GABRB3: variants seen among roughly 807,000 people sequenced by gnomAD.
GABRB3 encodes the protein gamma-aminobutyric acid type A receptor subunit beta3.
Under a neutral mutation model 52.1 loss-of-function variants are expected in GABRB3, and 14 were observed. That is an observed-to-expected ratio of 0.27 (90% CI 0.18 to 0.42). The LOEUF (loss-of-function observed/expected upper bound fraction) is 0.42. Among genes scored for constraint, GABRB3 ranks in the 10% least tolerant of loss-of-function variants. GABRB3 has a pLI of 1.00. For missense variants in GABRB3, 307 were observed against 609.1 expected, an observed-to-expected ratio of 0.50 and a Z score of 5.22; for synonymous variants, 260 against 232.3, an observed-to-expected ratio of 1.12 and a Z score of -1.08.
rs1889328706 is a variant in GABRB3, at chr15:26,548,123, A to G, written c.1092T>C (p.His364=). The change falls in exon 9 of 9, where the codon CAT becomes CAC. Residue 364 remains histidine (H), a synonymous_variant. Coordinates refer to ENST00000311550, the MANE Select transcript of GABRB3 (RefSeq NM_000814.6). ...SKSESNRVDA[H]GNILLTSLEV... is the part of the protein sequence containing the mutation. ...CCAGCGATGTCAACAGAATATTTCC[A>G]TGAGCATCCACCTAATTGGACGGAA... 1.9e-6 allele frequency: 3 copies of G among 1,613,974 alleles called. No individual in the cohort carries two copies. In the South Asian group the frequency reaches 3.3e-5, roughly 18 times the overall value.
rs979877624 is a variant in GABRB3, at chr15:26,626,481, T to C, written c.241-4947A>G. On this transcript the variant is annotated intron_variant, in intron 3 of 8. Transcript: ENST00000311550. ...GGTCAAATGATTGATGTGCAAAAGATTTTTATAGGCCCAAAGTTAGGCCTT... is the reference window on the plus strand; with the variant it reads ...GGTCAAATGATTGATGTGCAAAAGACTTTTATAGGCCCAAAGTTAGGCCTT... 2.6e-5 allele frequency among the ~76,000 whole-genome samples: 4 copies of C among 152,276 alleles called. No individual in the cohort carries two copies. The East Asian group carries it at 7.7e-4, about 29-fold the overall frequency.
chr15:26,763,912 G>A (rs923054579), intron 3 of GABRB3, among the ~76,000 whole-genome samples: 47 of 151,740 alleles, frequency 3.1e-4, no homozygotes, highest in African/African-American at 8.9e-4. Flanking sequence ...TTGGGAGGCC[G>A]AGGCGGGTGG....
intron 3 of GABRB3, among the ~76,000 whole-genome samples, chr15:26,622,181 G>A (rs145045406): frequency 9.5e-4 from 145 of 152,198 alleles, no homozygotes; most frequent in Admixed American, 1.8e-3. Flanking sequence ...GGAACCTAAG[G>A]TCCAAGCAGG....
intron 3 of GABRB3, chr15:26,625,483 T>A: frequency 3.0e-6 from 3 of 985,332 alleles, no homozygotes; most frequent in Non-Finnish European, 3.6e-6. Context: ...CACAAAGAGA[T>A]GGAATTTGCA....
At chr15:26,748,435 C>T (rs993000493) in intron 3 of GABRB3, among the ~76,000 whole-genome samples, 5 of 152,068 alleles carry the variant, frequency 3.3e-5, no homozygotes, top group Admixed American at 3.3e-4. Flanking sequence ...ATCTTGGGTA[C>T]ATTTTAGTAA....
intron 3 of GABRB3, among the ~76,000 whole-genome samples, chr15:26,764,148 T>A (rs1890899872): frequency 5.0e-5 from 1 of 20,178 alleles, no homozygotes; most frequent in Non-Finnish European, 8.3e-5. Context: ...AGACTCGGTC[T>A]CAAAAAAAAA....
At chr15:26,747,484 C>A (rs920680063) in intron 3 of GABRB3, among the ~76,000 whole-genome samples, 1 of 152,010 alleles carries the variant, frequency 6.6e-6, no homozygotes, top group African/African-American at 2.4e-5. Context: ...TAGAGTGATT[C>A]TGAATGTTAT....
chr15:26,695,578 G>T (rs1233724281), intron 3 of GABRB3, among the ~76,000 whole-genome samples: 1 of 151,890 alleles, frequency 6.6e-6, no homozygotes, highest in Non-Finnish European at 1.5e-5. Flanking sequence ...TGCTTTGCAA[G>T]AAATTGTTAA....
chr15:26,702,967 G>C (rs977739774), intron 3 of GABRB3, among the ~76,000 whole-genome samples: 1 of 152,120 alleles, frequency 6.6e-6, no homozygotes, highest in Non-Finnish European at 1.5e-5. Context: ...GTCTGGTTAA[G>C]GGCCCTCTTC....
chr15:26,726,563 G>C (rs908889814), intron 3 of GABRB3, among the ~76,000 whole-genome samples: 2 of 152,146 alleles, frequency 1.3e-5, no homozygotes, highest in Non-Finnish European at 2.9e-5. Flanking sequence ...GAGGAGTTCC[G>C]ACAAGGTATC....
intron 3 of GABRB3, among the ~76,000 whole-genome samples, chr15:26,753,913 A>G (rs1890586272): frequency 6.6e-6 from 1 of 152,150 alleles, no homozygotes; most frequent in African/African-American, 2.4e-5. Flanking sequence ...AACTATCAGC[A>G]AAGATGGGAT....
At chr15:26,668,511 C>T (rs1209608615) in intron 3 of GABRB3, among the ~76,000 whole-genome samples, 1 of 151,386 alleles carries the variant, frequency 6.6e-6, no homozygotes, top group Non-Finnish European at 1.5e-5. Context: ...ATACAGTTTT[C>T]CCTTTACCTT....
intron 6 of GABRB3, among the ~76,000 whole-genome samples, chr15:26,570,774 T>G (rs1890364427): frequency 6.6e-6 from 1 of 152,160 alleles, no homozygotes; most frequent in Non-Finnish European, 1.5e-5. Flanking sequence ...TTCTTTTTCC[T>G]CCTTCCAAAT....
intron 3 of GABRB3, among the ~76,000 whole-genome samples, chr15:26,632,674 G>A (rs1024073708): frequency 7.2e-5 from 11 of 152,260 alleles, no homozygotes; most frequent in South Asian, 4.2e-4. Context: ...CTTGTTTGCC[G>A]TCGGTGTTGA....
intron 3 of GABRB3, among the ~76,000 whole-genome samples, chr15:26,650,964 G>A (rs973627012): frequency 1.9e-4 from 29 of 152,160 alleles, no homozygotes; most frequent in Non-Finnish European, 2.6e-4. Context: ...AAAGTTATCC[G>A]GCTTCACCAT....
intron 3 of GABRB3, among the ~76,000 whole-genome samples, chr15:26,638,292 T>C (rs1419785761): frequency 6.6e-6 from 1 of 152,196 alleles, no homozygotes; most frequent in Non-Finnish European, 1.5e-5. Context: ...GCTTGTTCTC[T>C]TTATGCCTGT....
intron 3 of GABRB3, among the ~76,000 whole-genome samples, chr15:26,731,931 A>C (rs1315281084): frequency 6.6e-6 from 1 of 152,234 alleles, no homozygotes; most frequent in African/African-American, 2.4e-5. Context: ...ATAAAATTTG[A>C]TTAGATAAGA....
chr15:26,697,319 A>T (rs1269863065), intron 3 of GABRB3, among the ~76,000 whole-genome samples: 1 of 152,214 alleles, frequency 6.6e-6, no homozygotes, highest in Non-Finnish European at 1.5e-5. Context: ...AATAAACATA[A>T]CCTATATGTG....
chr15:26,720,997 C>T (rs917111539), intron 3 of GABRB3, among the ~76,000 whole-genome samples: 1 of 152,032 alleles, frequency 6.6e-6, no homozygotes, highest in Non-Finnish European at 1.5e-5. Context: ...GGTAGACCGC[C>T]CCAACATGTC....
Sources: allele counts gnomAD v4.1 joint callset (sites outside exome capture counted in the v4.1 genomes callset), GRCh38; gene constraint gnomAD v4.1.1; transcripts MANE v1.5; gene names NCBI Gene and HGNC (gene_info 2026-07-23, HGNC 2026-07-21).